Variants in AFF1 observed in about 807,000 individuals in gnomAD.
AFF1 encodes the protein ALF transcription elongation factor 1.
A neutral mutation model predicts 121.7 loss-of-function variants in AFF1; 48 were observed. That is an observed-to-expected ratio of 0.39 (90% confidence interval 0.31 to 0.50). The LOEUF is 0.50. Ranked by LOEUF, AFF1 falls within the 20% of genes least tolerant of loss-of-function variation. The pLI is 0.76. For synonymous variants in AFF1, 613 were observed against 563.0 expected (o/e 1.09, Z -1.26); for missense variants, 1,523 against 1,511.7 (o/e 1.01, Z -0.12).
At chr4:87,005,808 A>T (rs886219704) in intron 2 of AFF1, among the ~76,000 whole-genome samples, 3 of 148,534 alleles carry the variant, frequency 2.0e-5, no homozygotes, top group Non-Finnish European at 4.5e-5. Context: ...GGAAACGCTT[A>T]AAAAAAAATA....
rs569735861 is a variant in AFF1 at position 87,130,209 on chromosome 4, G to A, written c.2965-874G>A. 2.0e-5 allele frequency among the ~76,000 whole-genome samples: 3 copies of A among 152,250 alleles called. No homozygotes were observed. The East Asian group carries it at 5.8e-4, about 29-fold the overall frequency. On this transcript the variant is annotated intron_variant, in intron 16 of 20. Transcript: ENST00000395146. Reference sequence around the variant, plus strand: ...GCTGGTCTCAAAATCCTGACCTCAAGTGATCCACTCACCTCAGCCTCCCAA... The same window carrying A: ...GCTGGTCTCAAAATCCTGACCTCAAATGATCCACTCACCTCAGCCTCCCAA...
chr4:87,127,279 GCCT>G (rs993809129), intron 15 of AFF1, among the ~76,000 whole-genome samples, 162 bp downstream of exon 15: 3 of 151,050 alleles, frequency 2.0e-5, no homozygotes, highest in Non-Finnish European at 4.4e-5. Context: ...TCCTGCCTCA[GCCT>G]CCCAAGTAGT....
chr4:87,091,570 T>A (rs1337767605), intron 6 of AFF1, among the ~76,000 whole-genome samples: 2 of 152,204 alleles, frequency 1.3e-5, no homozygotes, highest in African/African-American at 4.8e-5. Context: ...ATTTTCAACT[T>A]ATGCATGAAA....
intron 8 of AFF1, among the ~76,000 whole-genome samples, chr4:87,097,587 T>C (rs1724997147): frequency 6.6e-6 from 1 of 152,164 alleles, no homozygotes; most frequent in Non-Finnish European, 1.5e-5. Flanking sequence ...TAGGAAAGAA[T>C]ATTTGTGATG....
chr4:86,953,963 G>A lies in AFF1; in HGVS notation c.38+5392G>A, dbSNP rs142625704. On this transcript the variant is annotated intron_variant, in intron 2 of 20. Transcript: ENST00000395146. ...TGACCTTAGGTGATCTACCTGCCTC[G>A]GCCTCTCAAAGTGCTGGGATTACAG... Among the ~76,000 whole-genome samples the A allele has an allele frequency of 4.8e-3, 732 of 152,078 alleles. 9 individuals are homozygous for A. The highest frequency in any genetic ancestry group is 0.017 in the African/African-American group (699 of 41,472).
chr4:87,042,397 C>G (rs1730250516), intron 2 of AFF1, among the ~76,000 whole-genome samples: 1 of 152,190 alleles, frequency 6.6e-6, no homozygotes, highest in Non-Finnish European at 1.5e-5. Flanking sequence ...TCAAAGCCTA[C>G]CTCTACTCTG....
At chr4:86,944,996 C>A (rs1303086538) in intron 1 of AFF1, among the ~76,000 whole-genome samples, 2 of 152,174 alleles carry the variant, frequency 1.3e-5, no homozygotes, top group African/African-American at 4.8e-5. Flanking sequence ...ATAGAAAGGT[C>A]ACTTAGATAG....
chr4:87,094,400 C>T (rs984705707), intron 7 of AFF1, among the ~76,000 whole-genome samples: 1 of 152,128 alleles, frequency 6.6e-6, no homozygotes, highest in African/African-American at 2.4e-5. Context: ...AGGACAGGGC[C>T]AAATGCCTTA....
At chr4:87,027,834 C>A (rs1363391972) in intron 2 of AFF1, among the ~76,000 whole-genome samples, 1 of 122,824 alleles carries the variant, frequency 8.1e-6, no homozygotes, top group Non-Finnish European at 1.6e-5. Flanking sequence ...GTCGCCCAGA[C>A]TGGAGTGCAG....
At chr4:87,065,801 TTC>T (rs952793047) in intron 4 of AFF1, among the ~76,000 whole-genome samples, 18 of 49,168 alleles carry the variant, frequency 3.7e-4, no homozygotes, top group African/African-American at 2.2e-3. Context: ...CCCATTATTT[TTC>T]CCCCCCCTTT....
intron 6 of AFF1, 147 bp downstream of exon 6, chr4:87,090,217 CA>C: frequency 3.4e-6 from 2 of 581,628 alleles, no homozygotes; most frequent in Non-Finnish European, 5.9e-6. Context: ...TACAGTGCTT[CA>C]GAATGCTTTC....
chr4:87,135,592 G>T lies in AFF1; in HGVS notation c.3548G>T (p.Arg1183Leu). 6.4e-7 allele frequency: 1 copy of T among 1,570,562 alleles called. No individual in the cohort carries two copies. The highest frequency in any genetic ancestry group is 8.7e-7 in the Non-Finnish European group (1 of 1,155,246). The change falls in exon 21 of 21, where the codon CGG becomes CTG. Residue 1183 changes from arginine (R) to leucine (L), a missense_variant. This residue lies in a region of AFF1 where 241 missense variants were observed against 265.2 expected (regional missense o/e 0.91). Transcript: ENST00000395146. ...LTRKNKEFFA[R>L]LSTNVCTLAL... ...GTTTTTTTTGCAGAATTCTTTGCTC[G>T]GCTCAGCACAAATGTGTGCACCTTG... is the stretch of plus-strand genomic sequence containing the variant.
intron 2 of AFF1, among the ~76,000 whole-genome samples, chr4:86,977,778 T>C (rs55913164): frequency 0.16 from 24,135 of 152,238 alleles, 2,441 homozygotes; most frequent in East Asian, 0.31. Flanking sequence ...AATAAATGTT[T>C]GTTGAATTGC....
chr4:86,940,070 G>A (rs926403304), intron 1 of AFF1, among the ~76,000 whole-genome samples: 1 of 152,180 alleles, frequency 6.6e-6, no homozygotes, highest in Admixed American at 6.5e-5. Context: ...TGTAATTCTA[G>A]CACTTTGGGA....
chr4:87,110,789 C>T (rs1726420011), intron 11 of AFF1, among the ~76,000 whole-genome samples: 1 of 152,002 alleles, frequency 6.6e-6, no homozygotes, highest in Non-Finnish European at 1.5e-5. Context: ...TATTAAAACA[C>T]CTAATAAAAA....
intron 11 of AFF1, among the ~76,000 whole-genome samples, chr4:87,111,003 T>TAAAAA (rs755583830): frequency 2.4e-5 from 2 of 83,074 alleles, no homozygotes; most frequent in African/African-American, 5.4e-5. Context: ...ACTTTATTTT[T>TAAAAA]TTTTTTTTAT....
chr4:87,030,356 A>G (rs1374162776), intron 2 of AFF1, among the ~76,000 whole-genome samples: 1 of 152,244 alleles, frequency 6.6e-6, no homozygotes, highest in African/African-American at 2.4e-5. Flanking sequence ...TTTATTTACA[A>G]AAATAGGTAG....
chr4:87,098,305 T>G (rs1725083258), intron 8 of AFF1, among the ~76,000 whole-genome samples: 1 of 152,180 alleles, frequency 6.6e-6, no homozygotes, highest in Non-Finnish European at 1.5e-5. Context: ...TCTGTAAAGT[T>G]CTGTAGGTAA....
In AFF1 at chr4:86,944,669, G is replaced by T. The variant is rs1354179570; in HGVS notation, c.-36-3829G>T. ...AGGTCTTATAGCTAGTTGCAAAGCA[G>T]GTCTTTTACCAGCATGTGGTAAAGA... On this transcript the variant is annotated intron_variant, in intron 1 of 20. Transcript: ENST00000395146. Among the ~76,000 whole-genome samples the T allele has an allele frequency of 2.0e-3, 301 of 152,228 alleles. 1 individual carries two copies. The highest frequency in any genetic ancestry group is 3.4e-3 in the Non-Finnish European group (232 of 68,002).
Sources: allele counts gnomAD v4.1 joint callset (sites outside exome capture counted in the v4.1 genomes callset), GRCh38; gene constraint gnomAD v4.1.1; regional missense constraint gnomAD v4.1.1; transcripts MANE v1.5; gene names NCBI Gene and HGNC (gene_info 2026-07-23, HGNC 2026-07-21).